SPEN: variants seen among roughly 807,000 people sequenced by gnomAD.
The protein encoded by SPEN is spen family transcriptional repressor, also known as msx2-interacting protein.
Under a neutral mutation model 269.9 loss-of-function variants are expected in SPEN, and 18 were observed. That is an observed-to-expected ratio of 0.07 (90% confidence interval 0.05 to 0.10). The LOEUF (loss-of-function observed/expected upper bound fraction) is 0.10, where lower values mean the gene tolerates loss of function less well. Among genes scored for constraint, SPEN ranks in the 10% least tolerant of loss-of-function variants. SPEN has a pLI of 1.00. For missense variants in SPEN, 3,822 were observed against 4,631.2 expected, an observed-to-expected ratio of 0.83 and a Z score of 5.07; for synonymous variants, 1,726 against 1,765.7, an observed-to-expected ratio of 0.98 and a Z score of 0.56.
intron 1 of SPEN, among the ~76,000 whole-genome samples, chr1:15,858,801 G>T (rs542904323): frequency 6.6e-6 from 1 of 152,130 alleles, no homozygotes; most frequent in African/African-American, 2.4e-5. Context: ...AAAAAAACCC[G>T]GGCACGATGG....
At chr1:15,915,002 A>C (rs959011998) in intron 5 of SPEN, among the ~76,000 whole-genome samples, 5 of 152,198 alleles carry the variant, frequency 3.3e-5, no homozygotes, top group Non-Finnish European at 5.9e-5. Context: ...AGAGGGGCGA[A>C]ATGCTAAATA....
rs1368134249 is a variant in SPEN, at chr1:15,937,249, C to T, written c.10113C>T (p.Pro3371=). 6.2e-7 allele frequency: 1 copy of T among 1,613,786 alleles called. No homozygotes were observed. The highest frequency in any genetic ancestry group is 1.3e-5 in the African/African-American group (1 of 74,842). ...CCCAGCCTGCACCACCCTGCCCGCC[C>T]TCCCAGCTCGGTCAGCCCGGCCAGC... ...QPAQPAPPCP[P]SQLGQPGQPP... The change falls in exon 12 of 15, where the codon CCC becomes CCT. Residue 3371 remains proline, a synonymous_variant. Transcript: ENST00000375759. This position sits in a 1 kb window ranked among gnomAD's most constrained non-coding sequence, Gnocchi z 5.7.
intron 13 of SPEN, 148 bp from the exon 14 acceptor site, chr1:15,938,565 CTTTTT>C (rs200567875): frequency 1.8e-3 from 422 of 238,738 alleles, no homozygotes; most frequent in Middle Eastern, 5.6e-3. Context: ...TGAAAAAAAG[CTTTTT>C]TTTTTTTTTT....
At chr1:15,893,031 G>A (rs971946951) in intron 3 of SPEN, among the ~76,000 whole-genome samples, 4 of 152,168 alleles carry the variant, frequency 2.6e-5, no homozygotes, top group Non-Finnish European at 5.9e-5. Context: ...CCAGGAGGTG[G>A]AGGTTGCAGT....
In SPEN at chr1:15,929,630, G is replaced by A. The variant is rs762971658; in HGVS notation, c.3390G>A (p.Arg1130=). 1.9e-6 allele frequency: 3 copies of A among 1,614,100 alleles called. No individual in the cohort carries two copies. In the South Asian group the frequency reaches 3.3e-5, roughly 18 times the overall value. The part of the protein sequence containing the change: ...DDQGPEREDV[R]KNYCSLRDET... ...AAGGACCAGAGAGAGAAGACGTTAG[G>A]AAAAACTATTGCAGTCTTCGTGATG... The change falls in exon 11 of 15, where the codon AGG becomes AGA. Residue 1130 remains arginine (R), a synonymous_variant. Coordinates refer to ENST00000375759, the MANE Select transcript of SPEN (RefSeq NM_015001.3). The surrounding 1 kb of genome is among the most constrained non-coding windows in gnomAD (Gnocchi z 5.8).
chr1:15,899,716 C>G (rs1044826459), intron 3 of SPEN, among the ~76,000 whole-genome samples: 1 of 151,708 alleles, frequency 6.6e-6, no homozygotes, highest in Non-Finnish European at 1.5e-5. Flanking sequence ...CGCATTTTTT[C>G]TTGTGCTTAT....
intron 1 of SPEN, among the ~76,000 whole-genome samples, chr1:15,872,042 C>T (rs748288266): frequency 6.6e-6 from 1 of 151,180 alleles, no homozygotes; most frequent in Non-Finnish European, 1.5e-5. Context: ...CAAGACCAGC[C>T]TGGGCAACAT....
At chr1:15,864,543 A>G (rs975296118) in intron 1 of SPEN, among the ~76,000 whole-genome samples, 2 of 145,458 alleles carry the variant, frequency 1.4e-5, no homozygotes, top group African/African-American at 5.1e-5. Flanking sequence ...AGACAAGTGC[A>G]GTTATACATG....
In SPEN at chr1:15,876,345, A is replaced by G; in HGVS notation, c.548A>G (p.Tyr183Cys). The G allele has an allele frequency of 2.5e-6, 4 of 1,614,004 alleles. No homozygotes were observed. The highest frequency in any genetic ancestry group is 3.4e-6 in the Non-Finnish European group (4 of 1,180,006). Residue 183 changes from tyrosine to cysteine, a missense_variant, in exon 3 of 15, where the codon TAT becomes TGT. Tyr to Cys is a radical substitution (Grantham distance 194, BLOSUM62 -2). This residue lies in a region of SPEN where 327 missense variants were observed against 350.8 expected (regional missense o/e 0.93). Transcript: ENST00000375759. ...PRERTLQHGL[Y>C]YASRSRSPNR... ...GAGCGGACTTTACAACATGGGCTCT[A>G]TTACGCTTCTCGGAGTCGAAGTCCA...
chr1:15,903,833 A>G (rs1371477418), intron 3 of SPEN, among the ~76,000 whole-genome samples: 2 of 152,178 alleles, frequency 1.3e-5, no homozygotes, highest in African/African-American at 2.4e-5. Context: ...TTGAACATGT[A>G]ATATTGTTGT....
At chr1:15,896,179 T>G (rs2148721453) in intron 3 of SPEN, among the ~76,000 whole-genome samples, 1 of 149,674 alleles carries the variant, frequency 6.7e-6, no homozygotes, top group East Asian at 1.9e-4. Context: ...TGTTTGATTT[T>G]ACCATCACTT....
At chr1:15,876,073 A>T in intron 2 of SPEN, 129 bp from the exon 3 acceptor site, 1 of 664,884 alleles carries the variant, frequency 1.5e-6, no homozygotes, top group Non-Finnish European at 2.6e-6. Flanking sequence ...CTTATTAAGT[A>T]GGTTAATGCT....
At chr1:15,912,753 G>A (rs746133872) in intron 5 of SPEN, among the ~76,000 whole-genome samples, 43 of 152,196 alleles carry the variant, frequency 2.8e-4, no homozygotes, top group Non-Finnish European at 4.9e-4. Context: ...AACTCCAGGA[G>A]TTCTTTAAAA....
chr1:15,912,612 CTG>C (rs1368745353), intron 5 of SPEN, among the ~76,000 whole-genome samples: 4 of 152,132 alleles, frequency 2.6e-5, no homozygotes, highest in African/African-American at 9.7e-5. Flanking sequence ...AATGGTCACT[CTG>C]TGATGTTACA....
chr1:15,869,379 C>T (rs967931342), intron 1 of SPEN, among the ~76,000 whole-genome samples: 42 of 151,832 alleles, frequency 2.8e-4, no homozygotes, highest in African/African-American at 9.2e-4. Context: ...TATAAACTCA[C>T]GTGGGTTGAA....
At position 15,931,967 on chromosome 1, in the gene SPEN, A is replaced by G; in HGVS notation, c.5727A>G (p.Ala1909=). The G allele has an allele frequency of 6.2e-7, 1 of 1,614,256 alleles. No individual in the cohort carries two copies. The highest frequency in any genetic ancestry group is 8.5e-7 in the Non-Finnish European group (1 of 1,180,046). ...TRRRNVRSVY[A]TMGDHENRSP... ...GCCGGAATGTAAGGAGCGTCTATGC[A>G]ACCATGGGTGACCATGAAAACCGCT... Residue 1909 remains alanine, a synonymous_variant, in exon 11 of 15, where the codon GCA becomes GCG. Coordinates refer to ENST00000375759, the MANE Select transcript of SPEN (RefSeq NM_015001.3). The surrounding 1 kb of genome is among the most constrained non-coding windows in gnomAD (Gnocchi z 4.8).
intron 1 of SPEN, among the ~76,000 whole-genome samples, chr1:15,851,112 A>AT (rs2070331544): frequency 6.6e-6 from 1 of 152,164 alleles, no homozygotes; most frequent in Admixed American, 6.6e-5. Context: ...TTCTTTAAAA[A>AT]TTTTTATATT....
Position 15,928,540 on chromosome 1 carries a change from G to T in SPEN, c.2300G>T (p.Ser767Ile), listed in dbSNP as rs569728405. Reference sequence around the variant, plus strand: ...TCCTCAGACCGGAGTGGAAGCTGTAGCTCACTCTCCCCTCCAAGATATGAG... The same window carrying T: ...TCCTCAGACCGGAGTGGAAGCTGTATCTCACTCTCCCCTCCAAGATATGAG... ...SRSSDRSGSCSSLSPPRYEKL... is the reference protein window; with the variant it reads ...SRSSDRSGSCISLSPPRYEKL... The change falls in exon 11 of 15, where the codon AGC becomes ATC. Residue 767 changes from serine (S) to isoleucine (I), a missense_variant. Ser to Ile is a moderately radical substitution (Grantham distance 142). Around this residue, in one of 16 missense-constraint regions of SPEN, gnomAD observed 572 missense variants for 582.6 expected, o/e 0.98. Coordinates refer to ENST00000375759, the MANE Select transcript of SPEN (RefSeq NM_015001.3). The surrounding 1 kb of genome is among the most constrained non-coding windows in gnomAD (Gnocchi z 5.7). 1 of 1,614,104 alleles carries T rather than the reference G, an allele frequency of 6.2e-7. No homozygotes were observed. The highest frequency in any genetic ancestry group is 8.5e-7 in the Non-Finnish European group (1 of 1,180,024).
chr1:15,939,996 C>T lies in SPEN; in HGVS notation c.*569C>T, dbSNP rs1394833680. The T allele has an allele frequency of 4.3e-6, 1 of 231,414 alleles. No homozygotes were observed. The highest frequency in any genetic ancestry group is 8.5e-6 in the Non-Finnish European group (1 of 116,962). 14.3% of individuals were successfully genotyped at this position (231,414 alleles called of 1,614,324 possible). On this transcript the variant is annotated 3_prime_UTR_variant, in exon 15 of 15. Coordinates refer to ENST00000375759, the MANE Select transcript of SPEN (RefSeq NM_015001.3). This position sits in a 1 kb window ranked among gnomAD's most constrained non-coding sequence, Gnocchi z 4.1. ...TGCGTCACCTTAATTCTCCTGCTGC[C>T]ACCGTCTTTGATTCACCGGGATGTA...
Sources: gnomAD v4.1 joint callset for allele counts (sites outside exome capture counted in the v4.1 genomes callset) on GRCh38, gnomAD v4.1.1 for gene constraint, gnomAD v4.1.1 regional missense constraint, Gnocchi (gnomAD v3.1) non-coding constraint, MANE v1.5 for transcripts, NCBI Gene and HGNC (gene_info 2026-07-23, HGNC 2026-07-21) for gene names.